B3GALT1: variants seen among roughly 807,000 people sequenced by gnomAD.
B3GALT1 encodes UDP-Gal:betaGlcNAc beta 1,3-galactosyltransferase, polypeptide 1.
In B3GALT1, 10 loss-of-function variants were observed where a neutral mutation model predicts 23.2. The ratio of observed to expected loss-of-function variants is 0.43; its 90% CI spans 0.27 to 0.73. The LOEUF (loss-of-function observed/expected upper bound fraction) is 0.73, where lower values mean the gene tolerates loss of function less well. Among genes scored for constraint, B3GALT1 ranks in the 30% least tolerant of loss-of-function variants. B3GALT1 has a pLI of 0.21. For synonymous variants in B3GALT1, 156 were observed against 141.5 expected, an observed-to-expected ratio of 1.10 and a Z score of -0.73; for missense variants, 299 against 405.4, an observed-to-expected ratio of 0.74 and a Z score of 2.25.
At chr2:167,496,649 A>G (rs1370904529) in intron 2 of B3GALT1, among the ~76,000 whole-genome samples, 1 of 152,156 alleles carries the variant, frequency 6.6e-6, no homozygotes, top group Non-Finnish European at 1.5e-5. Flanking sequence ...TACGGACTGA[A>G]GTTTTGTATC....
At chr2:167,571,331 G>A (rs1057377572) in intron 2 of B3GALT1, among the ~76,000 whole-genome samples, 1 of 151,908 alleles carries the variant, frequency 6.6e-6, no homozygotes. Flanking sequence ...TTAGGCACAG[G>A]CTAGAATTCC....
At chr2:167,345,154 G>GGCTCTA (rs1697208979) in intron 1 of B3GALT1, among the ~76,000 whole-genome samples, 1 of 151,910 alleles carries the variant, frequency 6.6e-6, no homozygotes, top group African/African-American at 2.4e-5. Context: ...GATTGTCTCT[G>GGCTCTA]AGGAATGCAT....
chr2:167,609,769 T>C (rs1312460168), intron 2 of B3GALT1, among the ~76,000 whole-genome samples: 6 of 152,122 alleles, frequency 3.9e-5, no homozygotes, highest in Middle Eastern at 3.2e-3. Flanking sequence ...GAAAGATCAA[T>C]TCCCCTAATT....
intron 2 of B3GALT1, among the ~76,000 whole-genome samples, chr2:167,626,288 C>T (rs943895172): frequency 1.3e-5 from 2 of 151,428 alleles, no homozygotes; most frequent in African/African-American, 2.4e-5. Context: ...CTAATCCAAA[C>T]CCATATAGAT....
intron 1 of B3GALT1, among the ~76,000 whole-genome samples, chr2:167,444,596 A>G (rs530433489): frequency 6.6e-6 from 1 of 152,048 alleles, no homozygotes; most frequent in African/African-American, 2.4e-5. Flanking sequence ...TAGTCTTGGG[A>G]GGGTGCATGT....
chr2:167,548,720 G>GTGTGTA (rs1683694056), intron 2 of B3GALT1, among the ~76,000 whole-genome samples: 1 of 148,270 alleles, frequency 6.7e-6, no homozygotes, highest in Non-Finnish European at 1.5e-5. Context: ...GTGTGTGTAT[G>GTGTGTA]TGTGTGTCTA....
At chr2:167,615,964 CTG>C (rs578125397) in intron 2 of B3GALT1, among the ~76,000 whole-genome samples, 92 of 152,196 alleles carry the variant, frequency 6.0e-4, no homozygotes, top group African/African-American at 2.1e-3. Flanking sequence ...GCTGTTGAGA[CTG>C]TGCTCTGCTC....
At chr2:167,752,458 T>A (rs2105287983) in intron 3 of B3GALT1, among the ~76,000 whole-genome samples, 1 of 152,166 alleles carries the variant, frequency 6.6e-6, no homozygotes, top group East Asian at 1.9e-4. Context: ...ACCTACGTGA[T>A]GTTGCATACC....
At chr2:167,560,829 AGACTTAGACTCCCACACAATAATAATGG>A (rs1413250921) in intron 2 of B3GALT1, among the ~76,000 whole-genome samples, 1 of 152,152 alleles carries the variant, frequency 6.6e-6, no homozygotes, top group Non-Finnish European at 1.5e-5. Context: ...ACCTACAAAG[AGACTTAGACTCCCACACAATAATAATGG>A]GAGACTTTAA....
At chr2:167,502,794 C>T (rs546660728) in intron 2 of B3GALT1, among the ~76,000 whole-genome samples, 1 of 152,334 alleles carries the variant, frequency 6.6e-6, no homozygotes, top group East Asian at 1.9e-4. Flanking sequence ...AATCCCAACA[C>T]TTTGGGAGGC....
chr2:167,599,692 C>A (rs13419124), intron 2 of B3GALT1, among the ~76,000 whole-genome samples: 2,007 of 152,284 alleles, frequency 0.013, 41 homozygotes, highest in African/African-American at 0.04. Context: ...CATCTTATAC[C>A]TTCCTAACTT....
At chr2:167,299,741 A>G (rs1696415667) in intron 1 of B3GALT1, among the ~76,000 whole-genome samples, 1 of 152,016 alleles carries the variant, frequency 6.6e-6, no homozygotes, top group African/African-American at 2.4e-5. Context: ...AGATCCTGAA[A>G]TTATTGAAGG....
chr2:167,557,157 TTC>T (rs1193899269), intron 2 of B3GALT1, among the ~76,000 whole-genome samples: 1 of 152,134 alleles, frequency 6.6e-6, no homozygotes, highest in East Asian at 1.9e-4. Flanking sequence ...TTTTTTTTAA[TTC>T]TGTTTATACA....
intron 2 of B3GALT1, among the ~76,000 whole-genome samples, chr2:167,612,134 C>T (rs1300706984): frequency 5.9e-5 from 9 of 151,854 alleles, no homozygotes; most frequent in Non-Finnish European, 1.3e-4. Context: ...CAATCTAAAG[C>T]AGCATGCAAA....
rs148291221 is a variant in B3GALT1, at chr2:167,478,213, T to G, written c.-510-11964T>G. On this transcript the variant is annotated intron_variant, in intron 1 of 4. Transcript: ENST00000392690. ...ATGCAAAGGAGTTTGCTTTACCTGCTCTCCCTTCAACCTTCATTCACTGAT... is the reference window on the plus strand; with the variant it reads ...ATGCAAAGGAGTTTGCTTTACCTGCGCTCCCTTCAACCTTCATTCACTGAT... Among the ~76,000 whole-genome samples the G allele has an allele frequency of 1.4e-3, 215 of 152,314 alleles. 2 individuals carry two copies. Among genetic ancestry groups the G allele is most frequent in the African/African-American group, 5.0e-3 (207 of 41,574 alleles).
intron 2 of B3GALT1, among the ~76,000 whole-genome samples, chr2:167,640,429 G>C (rs1685629846): frequency 6.6e-6 from 1 of 151,938 alleles, no homozygotes; most frequent in Admixed American, 6.6e-5. Context: ...GAAAGGCCTT[G>C]GAATATATTT....
chr2:167,471,372 G>T (rs1699416270), intron 1 of B3GALT1, among the ~76,000 whole-genome samples: 1 of 151,670 alleles, frequency 6.6e-6, no homozygotes, highest in African/African-American at 2.4e-5. Flanking sequence ...TAGCTGAAAA[G>T]GAAAAAAAAA....
intron 2 of B3GALT1, among the ~76,000 whole-genome samples, chr2:167,618,099 T>G (rs1685192178): frequency 6.6e-6 from 1 of 152,150 alleles, no homozygotes; most frequent in African/African-American, 2.4e-5. Flanking sequence ...AGAAAATGCT[T>G]TAGAACTTAA....
rs1332798497 is a variant in B3GALT1, at chr2:167,871,543, CAATG to C, written c.*1527_*1530del. 1 of 152,178 alleles carries C rather than the reference CAATG, an allele frequency of 6.6e-6. No homozygotes were observed. The highest frequency in any genetic ancestry group is 2.4e-5 in the African/African-American group (1 of 41,448). 9.4% of individuals were successfully genotyped at this position (152,178 alleles called of 1,614,324 possible). A position where few individuals can be genotyped will look rare whatever the true frequency, so the allele number is the denominator to read the frequency against. On this transcript the variant is annotated 3_prime_UTR_variant, in exon 5 of 5. Transcript: ENST00000392690. ...ATTTCTCTGAGATTTCTTCTGGTTT[CAATG>C]AATAAGTGACTAGGTCAGTGTGTTG...
Sources: gnomAD v4.1 joint callset for allele counts (sites outside exome capture counted in the v4.1 genomes callset) on GRCh38, gnomAD v4.1.1 for gene constraint, MANE v1.5 for transcripts, NCBI Gene and HGNC (gene_info 2026-07-23, HGNC 2026-07-21) for gene names.